The following PACRG variants were observed in gnomAD, a reference collection of about 807,000 sequenced individuals.
PACRG encodes the protein parkin coregulated, also known as parkin coregulated gene protein.
In PACRG, 29 loss-of-function variants were observed where a neutral mutation model predicts 29.7. The observed-to-expected ratio is 0.98, with a 90% confidence interval of 0.73 to 1.33. The LOEUF (loss-of-function observed/expected upper bound fraction) is 1.33, where lower values mean the gene tolerates loss of function less well. PACRG is among the 40% of genes most tolerant of loss of function. The probability of loss-of-function intolerance (pLI) is 0.00; values close to 1 mark genes in which losing one functional copy is unlikely to be tolerated. For missense variants in PACRG, 279 were observed against 316.2 expected, an observed-to-expected ratio of 0.88 and a Z score of 0.89; for synonymous variants, 116 against 118.7, an observed-to-expected ratio of 0.98 and a Z score of 0.15.
intron 4 of PACRG, among the ~76,000 whole-genome samples, chr6:163,292,582 A>ATTTG (rs1784653144): frequency 7.1e-6 from 1 of 140,282 alleles, no homozygotes. Flanking sequence ...TGTATTATTT[A>ATTTG]TTTATTTATT....
At chr6:163,299,515 C>T (rs1349866566) in intron 4 of PACRG, among the ~76,000 whole-genome samples, 2 of 152,134 alleles carry the variant, frequency 1.3e-5, no homozygotes, top group African/African-American at 4.8e-5. Flanking sequence ...CTCAGCACTT[C>T]CTCTGCCAGA....
intron 2 of PACRG, among the ~76,000 whole-genome samples, chr6:162,985,921 C>G (rs917696241): frequency 1.3e-5 from 2 of 151,864 alleles, no homozygotes; most frequent in African/African-American, 4.8e-5. Flanking sequence ...AGTGACAAAT[C>G]TGAGAATCAA....
chr6:162,769,922 C>T (rs770759303), intron 1 of PACRG, among the ~76,000 whole-genome samples: 18 of 151,894 alleles, frequency 1.2e-4, no homozygotes, highest in Admixed American at 3.3e-4. Context: ...TTAGGCATTT[C>T]GGATTTTTCA....
At chr6:163,284,693 C>T (rs1379176812) in intron 4 of PACRG, among the ~76,000 whole-genome samples, 1 of 152,090 alleles carries the variant, frequency 6.6e-6, no homozygotes, top group Admixed American at 6.6e-5. Context: ...CCAGAGCCGC[C>T]CCCAACCCCC....
chr6:162,732,341 G>A (rs9346929), intron 1 of PACRG, among the ~76,000 whole-genome samples: 27,415 of 152,064 alleles, frequency 0.18, 3,184 homozygotes, highest in East Asian at 0.47. Context: ...AAGAAATGAA[G>A]AGCAAACAGC....
At position 162,933,601 on chromosome 6, in the gene PACRG, C is replaced by CTTTTTTTTTTTTTTTTTTTTTTTTT. The variant is rs71008119; in HGVS notation, c.291+119343_291+119344insTTTTTTTTTTTTTTTTTTTTTTTTT. Among the ~76,000 whole-genome samples the CTTTTTTTTTTTTTTTTTTTTTTTTT allele has an allele frequency of 9.4e-5, 7 of 74,612 alleles. 1 individual carries two copies. The highest frequency in any genetic ancestry group is 1.7e-4 in the Non-Finnish European group (7 of 41,458). The allele number at this position is 74,612 out of a possible 152,430, so 48.9% of individuals were successfully genotyped here. On this transcript the variant is annotated intron_variant, in intron 2 of 4. Coordinates refer to ENST00000366888, the MANE Select transcript of PACRG (RefSeq NM_001080379.2). ...ATCAGTATATAATGACTTTCTGTAT[C>CTTTTTTTTTTTTTTTTTTTTTTTTT]TTTTTTTTTTTTTTTTTTTTTTTAC... is the stretch of plus-strand genomic sequence containing the variant.
intron 1 of PACRG, among the ~76,000 whole-genome samples, chr6:162,769,825 T>C (rs959759336): frequency 5.3e-5 from 8 of 151,782 alleles, no homozygotes; most frequent in African/African-American, 1.7e-4. Flanking sequence ...AATGACACTA[T>C]ATAAGTGTCA....
intron 3 of PACRG, among the ~76,000 whole-genome samples, chr6:163,069,216 A>G (rs1278456236): frequency 1.3e-5 from 2 of 151,136 alleles, no homozygotes; most frequent in East Asian, 3.9e-4. Flanking sequence ...GACTGTGAAG[A>G]CCGCAATACC....
chr6:163,175,925 T>C lies in PACRG; in HGVS notation c.613+86517T>C, dbSNP rs369456918. On this transcript the variant is annotated intron_variant, in intron 4 of 4. Transcript: ENST00000366888. ...TTTCCAATCTCAGATACTCGAATCA[T>C]TCCCAATCTAAAGCACAGTTTGTGT... Among the ~76,000 whole-genome samples, 7 of 152,358 alleles carry C rather than the reference T, an allele frequency of 4.6e-5. No homozygotes were observed. The South Asian group carries it at 1.5e-3, about 32-fold the overall frequency.
Position 162,949,449 on chromosome 6 carries a change from G to C in PACRG, c.292-112701G>C, listed in dbSNP as rs139785014. On this transcript the variant is annotated intron_variant, in intron 2 of 4. Transcript: ENST00000366888. ...AGTGTAATGTTCAATAGCAGAGTAG[G>C]GTGACTATAGTTAATAACGGTGTAT... Among the ~76,000 whole-genome samples, 7 of 152,144 alleles carry C rather than the reference G, an allele frequency of 4.6e-5. 1 individual carries two copies. The East Asian group carries it at 1.4e-3, about 29-fold the overall frequency.
chr6:163,129,491 G>A (rs1029634660), intron 4 of PACRG, among the ~76,000 whole-genome samples: 1 of 152,118 alleles, frequency 6.6e-6, no homozygotes, highest in Non-Finnish European at 1.5e-5. Context: ...GTCAAGAGTC[G>A]TTCTATTACT....
At chr6:163,069,171 A>G (rs936760597) in intron 3 of PACRG, among the ~76,000 whole-genome samples, 1 of 151,978 alleles carries the variant, frequency 6.6e-6, no homozygotes, top group Admixed American at 6.6e-5. Flanking sequence ...ATATCTGAAA[A>G]GCCTTCCAAA....
At chr6:163,006,206 T>TAA (rs60194556) in intron 2 of PACRG, among the ~76,000 whole-genome samples, 30 of 139,392 alleles carry the variant, frequency 2.2e-4, no homozygotes, top group East Asian at 1.2e-3. Flanking sequence ...TATATATATA[T>TAA]CCCATATATA....
At chr6:162,999,586 C>A (rs1411953309) in intron 2 of PACRG, among the ~76,000 whole-genome samples, 1 of 152,156 alleles carries the variant, frequency 6.6e-6, no homozygotes, top group Non-Finnish European at 1.5e-5. Flanking sequence ...ACTGGCTTGG[C>A]CTTCTATGTA....
chr6:163,041,144 C>T (rs1309606380), intron 2 of PACRG, among the ~76,000 whole-genome samples: 6 of 151,842 alleles, frequency 4.0e-5, no homozygotes, highest in South Asian at 4.2e-4. Context: ...GAGACCATCC[C>T]AGCTAACATG....
intron 2 of PACRG, among the ~76,000 whole-genome samples, chr6:162,961,248 A>G (rs1256168453): frequency 2.0e-5 from 3 of 152,194 alleles, no homozygotes; most frequent in Non-Finnish European, 4.4e-5. Context: ...GTTTCCATGA[A>G]AATGCTGACT....
At chr6:163,118,005 C>T (rs369961409) in intron 4 of PACRG, among the ~76,000 whole-genome samples, 4 of 152,178 alleles carry the variant, frequency 2.6e-5, no homozygotes, top group Non-Finnish European at 4.4e-5. Context: ...TTAAGCATTC[C>T]GTCTTAACTG....
At chr6:162,979,714 T>G (rs1344980493) in intron 2 of PACRG, among the ~76,000 whole-genome samples, 2 of 152,162 alleles carry the variant, frequency 1.3e-5, no homozygotes, top group Non-Finnish European at 2.9e-5. Context: ...ATTTTATAAT[T>G]TATCTGATTT....
intron 1 of PACRG, among the ~76,000 whole-genome samples, chr6:162,762,848 A>G (rs1300697354): frequency 1.3e-5 from 2 of 152,228 alleles, no homozygotes; most frequent in Non-Finnish European, 2.9e-5. Flanking sequence ...ACAACAAAGT[A>G]TAACTTTGAT....
Sources: gnomAD v4.1 joint callset for allele counts (sites outside exome capture counted in the v4.1 genomes callset) on GRCh38, gnomAD v4.1.1 for gene constraint, MANE v1.5 for transcripts, NCBI Gene and HGNC (gene_info 2026-07-23, HGNC 2026-07-21) for gene names.